RALYL: variants seen among roughly 807,000 people sequenced by gnomAD.
The protein encoded by RALYL is RNA-binding Raly-like protein.
Under a neutral mutation model 35.1 loss-of-function variants are expected in RALYL, and 29 were observed. The observed-to-expected ratio is 0.83, with a 90% CI of 0.61 to 1.13. RALYL has a LOEUF of 1.13. RALYL is among the 50% of genes most tolerant of loss of function. The probability of loss-of-function intolerance (pLI) is 0.00; values close to 1 mark genes in which losing one functional copy is unlikely to be tolerated. For missense variants in RALYL, 359 were observed against 360.4 expected (o/e 1.00, Z 0.03); for synonymous variants, 120 against 127.6 (o/e 0.94, Z 0.40).
At chr8:84,397,854 T>C (rs73300801) in intron 1 of RALYL, among the ~76,000 whole-genome samples, 4,487 of 152,286 alleles carry the variant, frequency 0.029, 219 homozygotes, top group African/African-American at 0.1. Flanking sequence ...AGACCCATAC[T>C]TCCTTTTATA....
At chr8:84,661,466 G>A (rs1299982458) in intron 2 of RALYL, among the ~76,000 whole-genome samples, 4 of 151,596 alleles carry the variant, frequency 2.6e-5, no homozygotes, top group South Asian at 4.2e-4. Context: ...AATCAAATGT[G>A]CTTTTTATTA....
At chr8:84,897,560 G>A (rs562908771) in intron 8 of RALYL, among the ~76,000 whole-genome samples, 3 of 151,978 alleles carry the variant, frequency 2.0e-5, no homozygotes, top group East Asian at 1.9e-4. Context: ...ACAGTATCCT[G>A]TGATGATATA....
In RALYL at chr8:84,291,140, G is replaced by A. The variant is rs559463559; in HGVS notation, c.-24+106716G>A. On this transcript the variant is annotated intron_variant, in intron 1 of 8. Coordinates refer to ENST00000521268, the MANE Select transcript of RALYL (RefSeq NM_173848.7). ...TTTCAGTGAAGTATATTGGAACATA[G>A]GCTTCATAAAAGGTATAAAAAGAAG... 3.2e-4 allele frequency among the ~76,000 whole-genome samples: 48 copies of A among 152,224 alleles called. No homozygotes were observed. The South Asian group carries it at 4.0e-3, about 13-fold the overall frequency.
chr8:84,247,428 A>G (rs952509470), intron 1 of RALYL, among the ~76,000 whole-genome samples: 1 of 152,066 alleles, frequency 6.6e-6, no homozygotes, highest in Non-Finnish European at 1.5e-5. Flanking sequence ...ATTTTTCTCA[A>G]GGTTACCATA....
chr8:84,358,393 A>G (rs1441337700), intron 1 of RALYL, among the ~76,000 whole-genome samples: 1 of 151,950 alleles, frequency 6.6e-6, no homozygotes, highest in African/African-American at 2.4e-5. Context: ...AGAAGATAAA[A>G]TTGTGTGTCT....
chr8:84,610,171 TTTAG>T (rs1235984971), intron 2 of RALYL, among the ~76,000 whole-genome samples: 11 of 152,076 alleles, frequency 7.2e-5, no homozygotes, highest in African/African-American at 2.2e-4. Context: ...ATTTTTTTCT[TTTAG>T]TTTTTACCGA....
At chr8:84,876,596 G>A (rs954336953) in intron 7 of RALYL, among the ~76,000 whole-genome samples, 11 of 152,178 alleles carry the variant, frequency 7.2e-5, no homozygotes, top group African/African-American at 2.7e-4. Flanking sequence ...CATGCAATGG[G>A]AACAGTTACT....
intron 1 of RALYL, among the ~76,000 whole-genome samples, chr8:84,428,262 C>A (rs971018867): frequency 1.3e-5 from 2 of 152,018 alleles, no homozygotes; most frequent in African/African-American, 4.8e-5. Flanking sequence ...TTTCCCAAAG[C>A]TAATGTTAGA....
intron 1 of RALYL, among the ~76,000 whole-genome samples, chr8:84,212,977 CATT>C (rs1233862639): frequency 1.3e-5 from 2 of 151,986 alleles, no homozygotes; most frequent in Non-Finnish European, 2.9e-5. Flanking sequence ...TTTTTTGAAT[CATT>C]AGAAATTATT....
At chr8:84,444,581 G>GT (rs551933080) in intron 1 of RALYL, among the ~76,000 whole-genome samples, 2 of 151,984 alleles carry the variant, frequency 1.3e-5, no homozygotes, top group Non-Finnish European at 2.9e-5. Flanking sequence ...TTGTCTACCT[G>GT]TTTTATCACT....
chr8:84,776,970 A>T (rs1157457219), intron 3 of RALYL, among the ~76,000 whole-genome samples: 1 of 152,246 alleles, frequency 6.6e-6, no homozygotes, highest in Non-Finnish European at 1.5e-5. Context: ...AAGGGGATAC[A>T]AAAACGTGAA....
At chr8:84,376,744 C>A (rs1199195135) in intron 1 of RALYL, among the ~76,000 whole-genome samples, 3 of 151,856 alleles carry the variant, frequency 2.0e-5, no homozygotes, top group Non-Finnish European at 4.4e-5. Flanking sequence ...TTCTTAATTT[C>A]TTCTACATTG....
chr8:84,885,277 AAAC>A (rs1842772479), intron 7 of RALYL, among the ~76,000 whole-genome samples: 1 of 152,138 alleles, frequency 6.6e-6, no homozygotes, highest in African/African-American at 2.4e-5. Context: ...CTTTGAATTC[AAAC>A]AACTGAGTCT....
intron 1 of RALYL, among the ~76,000 whole-genome samples, chr8:84,487,247 A>T (rs912622238): frequency 1.3e-5 from 2 of 152,028 alleles, no homozygotes; most frequent in African/African-American, 4.8e-5. Flanking sequence ...TCAATAAATA[A>T]TTTTTTCAGA....
intron 1 of RALYL, among the ~76,000 whole-genome samples, chr8:84,187,598 C>G (rs906460796): frequency 6.6e-6 from 1 of 151,916 alleles, no homozygotes; most frequent in African/African-American, 2.4e-5. Context: ...GGTTTATTTT[C>G]TCTAATTTAT....
intron 6 of RALYL, among the ~76,000 whole-genome samples, chr8:84,869,549 G>T (rs1419789730): frequency 2.0e-5 from 3 of 152,124 alleles, no homozygotes; most frequent in Non-Finnish European, 2.9e-5. Flanking sequence ...TCGGCATTTG[G>T]GGTCAGATAA....
rs560996812 is a variant in RALYL, at chr8:84,383,802, C to A, written c.-23-145497C>A. 6.1e-5 allele frequency among the ~76,000 whole-genome samples: 9 copies of A among 146,374 alleles called. No individual in the cohort carries two copies. The East Asian group carries it at 1.0e-3, about 16-fold the overall frequency. On this transcript the variant is annotated intron_variant, in intron 1 of 8. Transcript: ENST00000521268. ...TACATTAAAAAAAAAAAAAAAGTGGCCAAACTGAAACAAAGGTGTCAAGTC... is the reference window on the plus strand; with the variant it reads ...TACATTAAAAAAAAAAAAAAAGTGGACAAACTGAAACAAAGGTGTCAAGTC...
intron 6 of RALYL, among the ~76,000 whole-genome samples, chr8:84,868,302 C>T (rs1839552872): frequency 6.6e-6 from 1 of 152,196 alleles, no homozygotes; most frequent in Non-Finnish European, 1.5e-5. Flanking sequence ...AAGCTATCCT[C>T]CCACCTCAGC....
chr8:84,306,179 A>C (rs1841761324), intron 1 of RALYL, among the ~76,000 whole-genome samples: 1 of 151,626 alleles, frequency 6.6e-6, no homozygotes, highest in African/African-American at 2.4e-5. Flanking sequence ...AAAAAAAACG[A>C]AAACCCCACC....
Sources: gnomAD v4.1 joint callset for allele counts (sites outside exome capture counted in the v4.1 genomes callset) on GRCh38, gnomAD v4.1.1 for gene constraint, MANE v1.5 for transcripts, NCBI Gene and HGNC (gene_info 2026-07-23, HGNC 2026-07-21) for gene names.